SLC26A4: variants seen among roughly 807,000 people sequenced by gnomAD.
The protein encoded by SLC26A4 is pendrin.
A neutral mutation model predicts 90.4 loss-of-function variants in SLC26A4; 93 were observed. The ratio of observed to expected loss-of-function variants is 1.03; its 90% confidence interval spans 0.87 to 1.22. SLC26A4 has a LOEUF of 1.22. SLC26A4 is among the 50% of genes most tolerant of loss of function. SLC26A4 has a pLI of 0.00. For missense variants in SLC26A4, 1,127 were observed against 946.2 expected, an observed-to-expected ratio of 1.19 and a Z score of -2.51; for synonymous variants, 393 against 354.6, an observed-to-expected ratio of 1.11 and a Z score of -1.22.
chr7:107,675,191 C>T (rs554025577), intron 6 of SLC26A4, 82 bp downstream of exon 6: 54 of 1,332,790 alleles, frequency 4.1e-5, no homozygotes, highest in Admixed American at 8.7e-5. Context: ...CTGGGCCAGG[C>T]GTGGTGGCTC....
chr7:107,707,238 A>G (rs1178056696), intron 18 of SLC26A4, among the ~76,000 whole-genome samples: 1 of 152,224 alleles, frequency 6.6e-6, no homozygotes, highest in Non-Finnish European at 1.5e-5. Flanking sequence ...TAAAAGAACC[A>G]GCAATGTTTC....
chr7:107,691,890 A>T, intron 10 of SLC26A4: 1 of 1,268,070 alleles, frequency 7.9e-7, no homozygotes, highest in Non-Finnish European at 1.0e-6. Flanking sequence ...GCCAATTTCC[A>T]AAGCTGTGCA....
chr7:107,674,332 T>C lies in SLC26A4; in HGVS notation c.584T>C (p.Leu195Pro), dbSNP rs1460006727. 6.2e-7 allele frequency: 1 copy of C among 1,612,594 alleles called. No homozygotes were observed. The highest frequency in any genetic ancestry group is 8.5e-7 in the Non-Finnish European group (1 of 1,178,554). ...RVLIASALTL[L>P]VGIIQLIFGG... The stretch of plus-strand genomic sequence containing the variant: ...CTGATTGCCAGTGCCCTGACTCTGC[T>C]GGTTGGAATTATACAGGTAATGAAC... Residue 195 changes from leucine to proline, a missense_variant, in exon 5 of 21, where the codon CTG becomes CCG. Transcript: ENST00000644269.
In SLC26A4 at chr7:107,717,450, T is replaced by C. The variant is rs1792375831; in HGVS notation, c.*2004T>C. ...ATACCTTTGTTCAATAAAGGAAATA[T>C]GCACTGCTCACTTTTTTGAAGGAAA... On this transcript the variant is annotated 3_prime_UTR_variant, in exon 21 of 21. Transcript: ENST00000644269. 6.6e-6 allele frequency: 1 copy of C among 151,474 alleles called. No homozygotes were observed. Among genetic ancestry groups the C allele is most frequent in the South Asian group, 2.1e-4 (1 of 4,788 alleles). 9.4% of individuals were successfully genotyped at this position (151,474 alleles called of 1,614,324 possible). A position where few individuals can be genotyped will look rare whatever the true frequency, so the allele number is the denominator to read the frequency against.
chr7:107,696,774 T>C (rs1353921183), intron 13 of SLC26A4, among the ~76,000 whole-genome samples: 1 of 152,222 alleles, frequency 6.6e-6, no homozygotes, highest in African/African-American at 2.4e-5. Flanking sequence ...GTTTTGATTC[T>C]AGAGAGGCCT....
intron 3 of SLC26A4, among the ~76,000 whole-genome samples, chr7:107,665,026 G>A (rs1178745664): frequency 2.0e-5 from 3 of 152,064 alleles, no homozygotes; most frequent in Admixed American, 2.0e-4. Flanking sequence ...AAGGGCTGTG[G>A]CAGGGGAGTG....
In SLC26A4 at chr7:107,663,340, C is replaced by T. The variant is rs111033413; in HGVS notation, c.209C>T (p.Pro70Leu). The change falls in exon 3 of 21, where the codon CCC (proline) becomes CTC (leucine). Residue 70 changes from proline (P) to leucine (L), a missense_variant. Physicochemically the swap from Pro to Leu is moderately conservative, Grantham distance 98. Transcript: ENST00000644269. ...RAFGVLKTLV[P>L]ILEWLPKYRV... Reference sequence around the variant, plus strand: ...TTTGGTGTGCTAAAGACTCTTGTGCCCATCTTGGAGTGGCTCCCCAAATAC... The same window carrying T: ...TTTGGTGTGCTAAAGACTCTTGTGCTCATCTTGGAGTGGCTCCCCAAATAC... 1 of 1,614,042 alleles carries T rather than the reference C, an allele frequency of 6.2e-7. No homozygotes were observed. Among genetic ancestry groups the T allele is most frequent in the Non-Finnish European group, 8.5e-7 (1 of 1,179,984 alleles).
chr7:107,673,970 A>G (rs1165811352), intron 4 of SLC26A4, among the ~76,000 whole-genome samples, 194 bp from the exon 5 acceptor site: 1 of 152,086 alleles, frequency 6.6e-6, no homozygotes, highest in East Asian at 1.9e-4. Context: ...GGCTCAAGCG[A>G]TCTTCCCACC....
intron 3 of SLC26A4, among the ~76,000 whole-genome samples, chr7:107,667,687 G>T (rs1790756683): frequency 6.6e-6 from 1 of 152,030 alleles, no homozygotes; most frequent in Non-Finnish European, 1.5e-5. Flanking sequence ...GAAAGAAAGA[G>T]ATCTGTGGTG....
chr7:107,693,551 G>GA, intron 10 of SLC26A4: 3 of 984,666 alleles, frequency 3.0e-6, no homozygotes, highest in Non-Finnish European at 3.6e-6. Flanking sequence ...CTTTGTTTCA[G>GA]AGCTTCTAAT....
At chr7:107,686,317 C>T (rs1334586106) in intron 8 of SLC26A4, among the ~76,000 whole-genome samples, 145 of 79,138 alleles carry the variant, frequency 1.8e-3, no homozygotes, top group South Asian at 5.6e-3. Context: ...TCCCTCCCTT[C>T]CCTCCCTTTC....
chr7:107,705,735 C>T (rs983528101), intron 18 of SLC26A4, among the ~76,000 whole-genome samples: 2 of 152,160 alleles, frequency 1.3e-5, no homozygotes, highest in African/African-American at 4.8e-5. Context: ...AAGAGGTAGG[C>T]ACAAGTAAGG....
At chr7:107,681,232 G>C (rs1791221339) in intron 6 of SLC26A4, among the ~76,000 whole-genome samples, 1 of 152,148 alleles carries the variant, frequency 6.6e-6, no homozygotes, top group African/African-American at 2.4e-5. Flanking sequence ...GAAAGTTCAA[G>C]AGTCTTCCTA....
intron 20 of SLC26A4, 108 bp downstream of exon 20, chr7:107,712,730 C>T: frequency 4.1e-6 from 3 of 730,878 alleles, no homozygotes; most frequent in South Asian, 2.9e-5. Flanking sequence ...ACATAATTCC[C>T]CCAAATGCAG....
chr7:107,705,704 C>T (rs114968202), intron 18 of SLC26A4, among the ~76,000 whole-genome samples: 214 of 152,280 alleles, frequency 1.4e-3, no homozygotes, highest in African/African-American at 4.7e-3. Flanking sequence ...GTTTTAACTA[C>T]AGCACTATCC....
chr7:107,686,420 T>TCTTC (rs1378612145), intron 8 of SLC26A4, among the ~76,000 whole-genome samples: 10 of 83,706 alleles, frequency 1.2e-4, no homozygotes, highest in African/African-American at 6.4e-4. Flanking sequence ...TTTCTTTCTT[T>TCTTC]CTTTCTTTCT....
At chr7:107,714,787 A>G (rs1792296220) in intron 20 of SLC26A4, among the ~76,000 whole-genome samples, 1 of 152,160 alleles carries the variant, frequency 6.6e-6, no homozygotes, top group Non-Finnish European at 1.5e-5. Context: ...CTGTCTTCAT[A>G]TTAGTATCTT....
rs397516422 is a variant in SLC26A4 at position 107,701,159 on chromosome 7, A to G, written c.1766A>G (p.Gln589Arg). 1 of 1,610,010 alleles carries G rather than the reference A, an allele frequency of 6.2e-7. No homozygotes were observed. Among genetic ancestry groups the G allele is most frequent in the South Asian group, 1.1e-5 (1 of 91,004 alleles). Residue 589 changes from glutamine to arginine, a missense_variant, in exon 16 of 21, where the codon CAG (glutamine) becomes CGG (arginine). By Grantham distance (43) the Gln-to-Arg change is conservative. Transcript: ENST00000644269. ...AGGCTGAAAGCGCTGAGGAAAATAC[A>G]GAAACTAATAAAAAGTGGACAATTA... is the stretch of plus-strand genomic sequence containing the variant. ...NKRLKALRKIQKLIKSGQLRA... is the reference protein window; with the variant it reads ...NKRLKALRKIRKLIKSGQLRA...
intron 18 of SLC26A4, among the ~76,000 whole-genome samples, chr7:107,705,453 C>T (rs1038340223): frequency 2.2e-4 from 33 of 152,206 alleles, no homozygotes; most frequent in Admixed American, 2.1e-3. Context: ...TTATAGTATG[C>T]TCCTTAGCCA....
Sources: allele counts gnomAD v4.1 joint callset (sites outside exome capture counted in the v4.1 genomes callset), GRCh38; gene constraint gnomAD v4.1.1; transcripts MANE v1.5; gene names NCBI Gene and HGNC (gene_info 2026-07-23, HGNC 2026-07-21).